COL9A3: variants seen among roughly 807,000 people sequenced by gnomAD.
COL9A3 encodes collagen alpha-3(IX) chain.
COL9A3 carries 82 observed loss-of-function variants against 110.2 expected under a neutral mutation model. That is an observed-to-expected ratio of 0.74 (90% CI 0.62 to 0.89). The LOEUF (loss-of-function observed/expected upper bound fraction) is 0.89. Ranked by LOEUF, COL9A3 falls within the 40% of genes least tolerant of loss-of-function variation. COL9A3 has a pLI of 0.00. For missense variants in COL9A3, 1,066 were observed against 981.3 expected, an observed-to-expected ratio of 1.09 and a Z score of -1.15; for synonymous variants, 494 against 403.8, an observed-to-expected ratio of 1.22 and a Z score of -2.68.
chr20:62,831,687 C>T (rs748588035), intron 24 of COL9A3: 5 of 192,712 alleles, frequency 2.6e-5, no homozygotes, highest in South Asian at 8.1e-5. Context: ...TTTAAACTCA[C>T]GGGAAAGTCT....
At chr20:62,820,845 G>A (rs1008803695) in intron 5 of COL9A3, among the ~76,000 whole-genome samples, 1 of 152,184 alleles carries the variant, frequency 6.6e-6, no homozygotes, top group South Asian at 2.1e-4. Context: ...CGTGGGCGGG[G>A]GCTGAGGACT....
chr20:62,832,706 T>TGGGTGGGGCCGTGGTCTGG (rs1555824499), intron 25 of COL9A3: 1 of 361,686 alleles, frequency 2.8e-6, no homozygotes, highest in Non-Finnish European at 4.6e-6. Context: ...GTGCCTGCTC[T>TGGGTGGGGCCGTGGTCTGG]CACTTCTAGG....
chr20:62,837,602 T>C (rs764414901), intron 30 of COL9A3, among the ~76,000 whole-genome samples: 1 of 143,208 alleles, frequency 7.0e-6, no homozygotes, highest in Non-Finnish European at 1.5e-5. Flanking sequence ...AGGTCGGGAG[T>C]TCAAGACCAG....
At chr20:62,818,625 T>A in intron 3 of COL9A3, 72 bp downstream of exon 3, 2 of 1,459,576 alleles carry the variant, frequency 1.4e-6, no homozygotes, top group Non-Finnish European at 1.9e-6. Context: ...AACAGAGGGG[T>A]CATTGATATC....
At chr20:62,820,210 C>T (rs1991074399) in intron 5 of COL9A3, among the ~76,000 whole-genome samples, 1 of 152,016 alleles carries the variant, frequency 6.6e-6, no homozygotes, top group Non-Finnish European at 1.5e-5. Context: ...GGTATCCAGA[C>T]CATGGCAGGG....
chr20:62,822,543 G>A (rs1600792220), intron 9 of COL9A3, 48 bp from the exon 10 acceptor site: 2 of 1,607,960 alleles, frequency 1.2e-6, no homozygotes, highest in Non-Finnish European at 1.7e-6. Context: ...GGTGGCTGCA[G>A]GTGGCTGGGG....
Position 62,836,292 on chromosome 20 carries a change from G to T in COL9A3, c.1507G>T (p.Val503Phe). 1 of 1,613,854 alleles carries T rather than the reference G, an allele frequency of 6.2e-7. No individual in the cohort carries two copies. Among genetic ancestry groups the T allele is most frequent in the Non-Finnish European group, 8.5e-7 (1 of 1,180,028 alleles). ...GPPGPLGLQGVPGVPGITGKP... is the reference protein window; with the variant it reads ...GPPGPLGLQGFPGVPGITGKP... ...CCCCGGTCCTCTGGGCCTGCAGGGCGTCCCGGGTGTTCCTGGCATCACGGG... is the reference window on the plus strand; with the variant it reads ...CCCCGGTCCTCTGGGCCTGCAGGGCTTCCCGGGTGTTCCTGGCATCACGGG... The change falls in exon 28 of 32, where the codon GTC (valine) becomes TTC (phenylalanine). Residue 503 changes from valine to phenylalanine, a missense_variant. Transcript: ENST00000649368.
In COL9A3 at chr20:62,837,140, G is replaced by T. The variant is rs2147229498; in HGVS notation, c.1661G>T (p.Gly554Val). 6.2e-7 allele frequency: 1 copy of T among 1,613,314 alleles called. No homozygotes were observed. The highest frequency in any genetic ancestry group is 1.7e-5 in the Admixed American group (1 of 60,018). ...LRKPLAPGSIGRPGPAGPPGP... is the reference protein window; with the variant it reads ...LRKPLAPGSIVRPGPAGPPGP... ...AAGCCTTTGGCACCCGGGTCCATTGGTCGGCCCGGTCCAGCTGGCCCCCCT... is the reference window on the plus strand; with the variant it reads ...AAGCCTTTGGCACCCGGGTCCATTGTTCGGCCCGGTCCAGCTGGCCCCCCT... The change falls in exon 30 of 32, where the codon GGT becomes GTT. Residue 554 changes from glycine (G) to valine (V), a missense_variant. Coordinates refer to ENST00000649368, the MANE Select transcript of COL9A3 (RefSeq NM_001853.4).
At chr20:62,838,633 T>C in intron 30 of COL9A3, 51 bp from the exon 31 acceptor site, 1 of 1,481,280 alleles carries the variant, frequency 6.8e-7, no homozygotes, top group South Asian at 1.2e-5. Flanking sequence ...CGCTGTGGTG[T>C]GGCTGCAACA....
intron 25 of COL9A3, 129 bp downstream of exon 25, chr20:62,832,318 G>C (rs956227548): frequency 3.0e-5 from 27 of 911,426 alleles, no homozygotes; most frequent in Non-Finnish European, 4.3e-5. Flanking sequence ...TCCTCTTGCC[G>C]TGTCTGTCAG....
At chr20:62,827,186 C>G (rs1169862751) in intron 15 of COL9A3, 55 bp from the exon 16 acceptor site, 1 of 1,597,208 alleles carries the variant, frequency 6.3e-7, no homozygotes, top group Non-Finnish European at 8.6e-7. Flanking sequence ...CCGTCCTACT[C>G]TCCGACCAAC....
intron 3 of COL9A3, among the ~76,000 whole-genome samples, chr20:62,818,982 T>C (rs1991027850): frequency 6.6e-6 from 1 of 151,976 alleles, no homozygotes; most frequent in African/African-American, 2.4e-5. Flanking sequence ...CAGACGAAGG[T>C]CTTACAGATG....
At chr20:62,826,064 C>A in intron 13 of COL9A3, 140 bp from the exon 14 acceptor site, 1 of 1,103,694 alleles carries the variant, frequency 9.1e-7, no homozygotes, top group Non-Finnish European at 1.3e-6. Context: ...GTGCCCCCTC[C>A]CTCTGGGGGA....
chr20:62,823,381 C>T (rs1293993083), intron 10 of COL9A3, among the ~76,000 whole-genome samples: 1 of 152,192 alleles, frequency 6.6e-6, no homozygotes, highest in African/African-American at 2.4e-5. Flanking sequence ...GCCACGGATC[C>T]ATCTCTCCTC....
chr20:62,836,575 G>C, intron 29 of COL9A3, 43 bp downstream of exon 29: 1 of 1,566,344 alleles, frequency 6.4e-7, no homozygotes. Flanking sequence ...GCCCATCCCC[G>C]CCTGGGGGTC....
At chr20:62,822,977 C>T (rs901994477) in intron 10 of COL9A3, among the ~76,000 whole-genome samples, 3 of 152,224 alleles carry the variant, frequency 2.0e-5, no homozygotes, top group Non-Finnish European at 2.9e-5. Context: ...CCACAGATGG[C>T]GACAGAACTG....
intron 1 of COL9A3, 137 bp from the exon 2 acceptor site, chr20:62,817,430 C>T (rs1990965288): frequency 4.7e-6 from 3 of 642,638 alleles, no homozygotes; most frequent in East Asian, 3.2e-5. Flanking sequence ...CGCCGGGCTC[C>T]GCCCGAGGCT....
chr20:62,828,429 G>C (rs3787516), intron 17 of COL9A3, among the ~76,000 whole-genome samples: 1 of 152,252 alleles, frequency 6.6e-6, no homozygotes. Flanking sequence ...GGGTGGACGA[G>C]GCAGGCCTGG....
Position 62,831,900 on chromosome 20 carries a change from C to T in COL9A3, c.1288-254C>T, listed in dbSNP as rs45444401. The T allele has an allele frequency of 1.2e-3, 660 of 567,266 alleles. 1 individual carries two copies. The highest frequency in any genetic ancestry group is 1.9e-3 in the Non-Finnish European group (581 of 312,374). The allele number at this position is 567,266 out of a possible 1,614,324, so 35.1% of individuals were successfully genotyped here. A position where few individuals can be genotyped will look rare whatever the true frequency, so the allele number is the denominator to read the frequency against. On this transcript the variant is annotated intron_variant, in intron 24 of 31. Coordinates refer to ENST00000649368, the MANE Select transcript of COL9A3 (RefSeq NM_001853.4). ...GTGCAGAAACACCCGCACGAATTCACGGGTGTTACAAACAGTGCAAACCTA... is the reference window on the plus strand; with the variant it reads ...GTGCAGAAACACCCGCACGAATTCATGGGTGTTACAAACAGTGCAAACCTA...
Sources: allele counts gnomAD v4.1 joint callset (sites outside exome capture counted in the v4.1 genomes callset), GRCh38; gene constraint gnomAD v4.1.1; transcripts MANE v1.5; gene names NCBI Gene and HGNC (gene_info 2026-07-23, HGNC 2026-07-21).